EBP: variants seen among roughly 807,000 people sequenced by gnomAD.
The protein encoded by EBP is EBP cholestenol delta-isomerase, also known as 3-beta-hydroxysteroid-Delta(8),Delta(7)-isomerase.
In EBP, 1 loss-of-function variant was observed where a neutral mutation model predicts 14.1. The ratio of observed to expected loss-of-function variants is 0.07; its 90% CI spans 0.03 to 0.34. EBP has a LOEUF of 0.34. Among genes scored for constraint, EBP ranks in the 10% least tolerant of loss-of-function variants. The pLI, the probability that EBP is intolerant of heterozygous loss-of-function variation, is 0.99. For synonymous variants in EBP, 72 were observed against 77.7 expected (o/e 0.93, Z 0.38); for missense variants, 123 against 184.6 (o/e 0.67, Z 1.93).
chrX:48,526,846 AAC>A, intron 2 of EBP, 141 bp from the exon 3 acceptor site: 4 of 663,459 alleles, frequency 6.0e-6, no homozygotes, highest in Non-Finnish European at 9.8e-6. Flanking sequence ...CTAGAATCCA[AAC>A]AGTTACCCCA....
chrX:48,523,348 A>G (rs1221954892), intron 1 of EBP, among the ~76,000 whole-genome samples: 1 of 110,584 alleles, frequency 9.0e-6, no homozygotes, highest in Non-Finnish European at 1.9e-5. Context: ...AGGTCAGGAG[A>G]TCAAGACCAT....
At position 48,523,709 on chromosome X, in the gene EBP, T is replaced by A; in HGVS notation, c.-63T>A. On this transcript the variant is annotated 5_prime_UTR_variant, in exon 2 of 5. Coordinates refer to ENST00000495186, the MANE Select transcript of EBP (RefSeq NM_006579.3). ...TTTCTATTTGTCCAGGTTTTTCTGT[T>A]CCTTTTTTTTTTTTTTTTTTAACTT... 1 of 928,895 alleles carries A rather than the reference T, an allele frequency of 1.1e-6. No individual in the cohort carries two copies. Among genetic ancestry groups the A allele is most frequent in the Non-Finnish European group, 1.5e-6 (1 of 676,522 alleles). The allele number at this position is 928,895 out of a possible 1,213,427, so 76.6% of individuals were successfully genotyped here.
chrX:48,527,061 G>T lies in EBP; in HGVS notation c.338+36G>T, dbSNP rs781916312. 4 of 1,209,769 alleles carry T rather than the reference G, an allele frequency of 3.3e-6. No homozygotes were observed. The African/African-American group carries it at 7.0e-5, about 21-fold the overall frequency. ...GCCTCTGTCAATGGAGACTGGCATTGGTTTTCGGGGGGTGGTGAGTTGGGG... is the reference window on the plus strand; with the variant it reads ...GCCTCTGTCAATGGAGACTGGCATTTGTTTTCGGGGGGTGGTGAGTTGGGG... On this transcript the variant is annotated intron_variant, in intron 3 of 4. Coordinates refer to ENST00000495186, the MANE Select transcript of EBP (RefSeq NM_006579.3).
intron 1 of EBP, 97 bp from the exon 2 acceptor site, chrX:48,523,602 C>G: frequency 2.1e-6 from 1 of 475,994 alleles, no homozygotes; most frequent in South Asian, 3.2e-5. Context: ...ACAATCCTGT[C>G]TGTTAACTGG....
chrX:48,522,407 C>G (rs2061765220), intron 1 of EBP, among the ~76,000 whole-genome samples: 1 of 111,849 alleles, frequency 8.9e-6, no homozygotes, highest in Non-Finnish European at 1.9e-5. Context: ...AACCGTGACC[C>G]CGGAGCACAG....
At chrX:48,527,064 T>G (rs782635680) in intron 3 of EBP, 39 bp downstream of exon 3, 3 of 1,209,784 alleles carry the variant, frequency 2.5e-6, no homozygotes, top group Non-Finnish European at 3.4e-6. Context: ...TGGCATTGGT[T>G]TTCGGGGGGT....
Position 48,528,303 on chromosome X carries a change from G to A in EBP, c.539G>A (p.Gly180Asp). Residue 180 changes from glycine (G) to aspartate (D), a missense_variant, in exon 5 of 5, where the codon GGC (glycine) becomes GAC (aspartate). By Grantham distance (94) the Gly-to-Asp change is moderately conservative. Transcript: ENST00000495186. Reference protein sequence around the residue: ...HRDGFQHGELGHPLYFWFYFV... With the variant: ...HRDGFQHGELDHPLYFWFYFV... ...GACGGATTCCAGCACGGAGAGCTGG[G>A]CCACCCTCTCTACTTCTGGTTTTAC... The A allele has an allele frequency of 8.3e-7, 1 of 1,211,305 alleles. No homozygotes were observed. The highest frequency in any genetic ancestry group is 1.1e-6 in the Non-Finnish European group (1 of 895,342).
intron 2 of EBP, 110 bp downstream of exon 2, chrX:48,524,182 T>G: frequency 1.2e-6 from 1 of 808,710 alleles, no homozygotes; most frequent in Non-Finnish European, 1.8e-6. Context: ...TTTTAAATTT[T>G]TATTTAATCT....
intron 4 of EBP, chrX:48,527,631 G>A (rs1263222152): frequency 1.1e-5 from 3 of 270,701 alleles, no homozygotes; most frequent in Non-Finnish European, 2.0e-5. Context: ...TTTAAAACAG[G>A]GTCTGGCTCT....
chrX:48,527,240 C>T lies in EBP; in HGVS notation c.424C>T (p.Arg142Cys), dbSNP rs953562416. 10 of 1,209,550 alleles carry T rather than the reference C, an allele frequency of 8.3e-6. No homozygotes were observed. Among genetic ancestry groups the T allele is most frequent in the Admixed American group, 4.4e-5 (2 of 45,747 alleles). ...LSLWVVIAFL[R>C]QHPLRFILQL... ...CCTGTGGGTGGTGATCGCCTTTCTC[C>T]GCCAGCATCCCCTCCGCTTCATTCT... Residue 142 changes from arginine (R) to cysteine (C), a missense_variant, in exon 4 of 5, where the codon CGC becomes TGC. Physicochemically the swap from Arg to Cys is radical, Grantham distance 180. Coordinates refer to ENST00000495186, the MANE Select transcript of EBP (RefSeq NM_006579.3).
Position 48,523,846 on chromosome X carries a change from C to T in EBP, c.75C>T (p.Asp25=). ...HLRLDNFVPN[D]RPTWHILAGL... ...GACTGGACAACTTTGTACCTAATGA[C>T]CGCCCCACCTGGCATATACTGGCTG... The change falls in exon 2 of 5, where the codon GAC becomes GAT. Residue 25 remains aspartate (D), a synonymous_variant. Coordinates refer to ENST00000495186, the MANE Select transcript of EBP (RefSeq NM_006579.3). 3 of 1,210,901 alleles carry T rather than the reference C, an allele frequency of 2.5e-6. No homozygotes were observed. The highest frequency in any genetic ancestry group is 3.4e-6 in the Non-Finnish European group (3 of 895,332).
chrX:48,524,134 A>T (rs2061772421), intron 2 of EBP, 62 bp downstream of exon 2: 2 of 1,016,979 alleles, frequency 2.0e-6, no homozygotes, highest in Admixed American at 4.8e-5. Context: ...ATCGGCTTGC[A>T]TGTTTACCTA....
At chrX:48,526,109 A>C (rs1289950362) in intron 2 of EBP, among the ~76,000 whole-genome samples, 2 of 107,950 alleles carry the variant, frequency 1.9e-5, no homozygotes, top group Non-Finnish European at 3.8e-5. Context: ...AAAAAAAAAA[A>C]AAAACATTAC....
chrX:48,524,627 A>G (rs782671689), intron 2 of EBP: 1 of 109,433 alleles, frequency 9.1e-6, no homozygotes, highest in East Asian at 2.9e-4. Context: ...CTTTGTCTCA[A>G]AAAAAAAATT....
At chrX:48,528,190 C>T in intron 4 of EBP, 44 bp from the exon 5 acceptor site, 2 of 1,120,512 alleles carry the variant, frequency 1.8e-6, no homozygotes, top group Non-Finnish European at 2.4e-6. Flanking sequence ...CGAAAGTGTC[C>T]CCTTCCTCAC....
In EBP at chrX:48,523,752, AGCCATCAGCC is replaced by A; in HGVS notation, c.-19_-10del. 3 of 1,165,845 alleles carry A rather than the reference AGCCATCAGCC, an allele frequency of 2.6e-6. No individual in the cohort carries two copies. Among genetic ancestry groups the A allele is most frequent in the Non-Finnish European group, 3.4e-6 (3 of 871,142 alleles). ...TTTAACTTCCTGCCTATACACACGC[AGCCATCAGCC>A]CACAAAGACATGACTACCAACGCGG... On this transcript the variant is annotated 5_prime_UTR_variant, in exon 2 of 5. Transcript: ENST00000495186.
intron 1 of EBP, among the ~76,000 whole-genome samples, chrX:48,522,984 A>T (rs2061767770): frequency 2.7e-5 from 3 of 109,124 alleles, no homozygotes; most frequent in African/African-American, 6.7e-5. Context: ...TCTTTTTTAG[A>T]GGCAGAGTCT....
chrX:48,526,140 G>A (rs1262239813), intron 2 of EBP, among the ~76,000 whole-genome samples: 3 of 106,363 alleles, frequency 2.8e-5, no homozygotes, highest in Non-Finnish European at 5.8e-5. Flanking sequence ...CATTGTGCCC[G>A]GCTGGTCAGA....
intron 2 of EBP, among the ~76,000 whole-genome samples, chrX:48,525,172 T>C (rs1460672442): frequency 8.9e-6 from 1 of 112,409 alleles, no homozygotes; most frequent in African/African-American, 3.2e-5. Context: ...TTTGCTCAAT[T>C]GTAAAAGGAG....
Sources: allele counts gnomAD v4.1 joint callset (sites outside exome capture counted in the v4.1 genomes callset), GRCh38; gene constraint gnomAD v4.1.1; transcripts MANE v1.5; gene names NCBI Gene and HGNC (gene_info 2026-07-23, HGNC 2026-07-21).